Variants in CSGALNACT1 observed in about 807,000 individuals in gnomAD.
CSGALNACT1 encodes beta4GalNAcT-1.
A neutral mutation model predicts 51.0 loss-of-function variants in CSGALNACT1; 52 were observed. That is an observed-to-expected ratio of 1.02 (90% CI 0.82 to 1.29). The LOEUF (loss-of-function observed/expected upper bound fraction) is 1.29. Among genes scored for constraint, CSGALNACT1 ranks in the 50% most tolerant of loss-of-function variants. The probability of loss-of-function intolerance (pLI) is 0.00; values close to 1 mark genes in which losing one functional copy is unlikely to be tolerated. For synonymous variants in CSGALNACT1, 341 were observed against 254.4 expected, an observed-to-expected ratio of 1.34 and a Z score of -3.24; for missense variants, 935 against 679.2, an observed-to-expected ratio of 1.38 and a Z score of -4.19.
intron 4 of CSGALNACT1, among the ~76,000 whole-genome samples, chr8:19,474,822 G>A (rs958012656): frequency 3.2e-5 from 4 of 125,612 alleles, no homozygotes; most frequent in South Asian, 5.3e-4. Flanking sequence ...AGCTGAGATC[G>A]CACCATTGCA....
chr8:19,422,323 G>T (rs1459057640), intron 6 of CSGALNACT1, among the ~76,000 whole-genome samples: 1 of 152,104 alleles, frequency 6.6e-6, no homozygotes, highest in Non-Finnish European at 1.5e-5. Context: ...GTCCCAAGTA[G>T]CTGGGACTAC....
At chr8:19,555,194 G>A (rs147561674) in intron 3 of CSGALNACT1, among the ~76,000 whole-genome samples, 9 of 151,322 alleles carry the variant, frequency 5.9e-5, no homozygotes, top group African/African-American at 1.2e-4. Flanking sequence ...AGCCGAGATC[G>A]CGCCATTGCA....
At chr8:19,640,512 G>C (rs1218568467) in intron 1 of CSGALNACT1, among the ~76,000 whole-genome samples, 1 of 152,052 alleles carries the variant, frequency 6.6e-6, no homozygotes, top group African/African-American at 2.4e-5. Flanking sequence ...CATTTACTTA[G>C]GTAAAATGAT....
At chr8:19,516,926 T>A (rs2079639931) in intron 3 of CSGALNACT1, among the ~76,000 whole-genome samples, 2 of 152,178 alleles carry the variant, frequency 1.3e-5, no homozygotes, top group African/African-American at 4.8e-5. Context: ...CCAGCTGGAA[T>A]CTGCAGCCAC....
intron 1 of CSGALNACT1, among the ~76,000 whole-genome samples, chr8:19,614,255 A>G (rs1188553445): frequency 1.3e-5 from 2 of 152,224 alleles, no homozygotes; most frequent in Non-Finnish European, 2.9e-5. Flanking sequence ...CTTTTACTAA[A>G]AAATCAAAAA....
Position 19,423,820 on chromosome 8 carries a change from G to A in CSGALNACT1, c.954-3302C>T, listed in dbSNP as rs186278017. ...TTTCTACAAGGAAAAGACAATGCAT[G>A]TTATATCCATGGCACTACCCAATCT... On this transcript the variant is annotated intron_variant, in intron 6 of 9. Coordinates refer to ENST00000454498, the Ensembl canonical transcript of CSGALNACT1. Among the ~76,000 whole-genome samples, 32 of 152,326 alleles carry A rather than the reference G, an allele frequency of 2.1e-4. No individual in the cohort carries two copies. In the East Asian group the frequency reaches 5.0e-3, roughly 24 times the overall value.
rs567836057 is a variant in CSGALNACT1, at chr8:19,654,700, C to T, written c.-544+27773G>A. ...GCTGGGACTACAGGCATGCACCACA[C>T]GCCCAGCTAATTTTTTGTATTTTTG... On this transcript the variant is annotated intron_variant, in intron 1 of 9. Coordinates refer to the CSGALNACT1 transcript ENST00000332246. Among the ~76,000 whole-genome samples, 107 of 151,904 alleles carry T rather than the reference C, an allele frequency of 7.0e-4. 1 individual carries two copies. The highest frequency in any genetic ancestry group is 2.3e-3 in the African/African-American group (96 of 41,422).
chr8:19,436,027 C>G (rs1461902373), intron 6 of CSGALNACT1, among the ~76,000 whole-genome samples: 1 of 152,068 alleles, frequency 6.6e-6, no homozygotes, highest in Admixed American at 6.6e-5. Context: ...ATTTCACAAC[C>G]CTCTAATAAA....
upstream of CSGALNACT1, among the ~76,000 whole-genome samples, chr8:19,685,985 C>A (rs1433693056): frequency 6.6e-6 from 1 of 152,150 alleles, no homozygotes; most frequent in Non-Finnish European, 1.5e-5. Context: ...GAAACAATCG[C>A]GTAAGTACAC....
At chr8:19,537,448 T>G (rs932145144) in intron 3 of CSGALNACT1, among the ~76,000 whole-genome samples, 1 of 152,180 alleles carries the variant, frequency 6.6e-6, no homozygotes, top group Non-Finnish European at 1.5e-5. Flanking sequence ...AAATCTCAAT[T>G]GCTTCTTTCT....
At position 19,414,393 on chromosome 8, in the gene CSGALNACT1, C is replaced by T. The variant is rs1416996558; in HGVS notation, c.1227+4263G>A. On this transcript the variant is annotated intron_variant, in intron 8 of 9. Coordinates refer to ENST00000454498, the Ensembl canonical transcript of CSGALNACT1. ...CAAAGCTTGAACCAGGAATGTGAAA[C>T]GTCTAAAGTTAATGTTTGTTTAAAT... Among the ~76,000 whole-genome samples the T allele has an allele frequency of 7.9e-5, 12 of 152,316 alleles. No individual in the cohort carries two copies. In the South Asian group the frequency reaches 1.9e-3, roughly 24 times the overall value.
intron 3 of CSGALNACT1, among the ~76,000 whole-genome samples, chr8:19,534,549 A>G (rs1172323002): frequency 1.3e-5 from 2 of 152,196 alleles, no homozygotes; most frequent in Non-Finnish European, 2.9e-5. Context: ...ATGGTGGTGC[A>G]CAAGTGGGGA....
chr8:19,588,217 GA>G (rs895883533), intron 3 of CSGALNACT1, among the ~76,000 whole-genome samples: 5 of 148,630 alleles, frequency 3.4e-5, no homozygotes, highest in Admixed American at 6.7e-5. Flanking sequence ...GCAAAAAAAA[GA>G]AAAAAAAAGA....
exon 9 of CSGALNACT1, chr8:19,408,637 A>G: frequency 6.2e-7 from 1 of 1,613,980 alleles, no homozygotes; most frequent in South Asian, 1.1e-5. Flanking sequence ...TCTGACCGAT[A>G]CTGACACGTC....
At chr8:19,411,938 C>T (rs541012630) in intron 8 of CSGALNACT1, among the ~76,000 whole-genome samples, 1 of 151,198 alleles carries the variant, frequency 6.6e-6, no homozygotes, top group Non-Finnish European at 1.5e-5. Context: ...TCAAGCAATT[C>T]TCGTGCCTCA....
At position 19,648,361 on chromosome 8, in the gene CSGALNACT1, G is replaced by A. The variant is rs1270129797; in HGVS notation, c.-544+34112C>T. ...GCACTCTCATTCTCTGCTGGAAGGA[G>A]TGTATCATTCTGTGAAGAGCAATTC... is the stretch of plus-strand genomic sequence containing the variant. On this transcript the variant is annotated intron_variant, in intron 1 of 9. Transcript: ENST00000332246. Among the ~76,000 whole-genome samples, 4 of 152,224 alleles carry A rather than the reference G, an allele frequency of 2.6e-5. No individual in the cohort carries two copies. The East Asian group carries it at 7.7e-4, about 29-fold the overall frequency.
Position 19,691,624 on chromosome 8 carries a change from T to C in CSGALNACT1, c.-297+66226A>G, listed in dbSNP as rs11993690. ...GCTTGACTTTCATTCACAGACGGCCTAGGGGACATCGACAGCTGACCCAAG... is the reference window on the plus strand; with the variant it reads ...GCTTGACTTTCATTCACAGACGGCCCAGGGGACATCGACAGCTGACCCAAG... On this transcript the variant is annotated intron_variant, in intron 1 of 1. Transcript: ENST00000517494. Among the ~76,000 whole-genome samples, 527 of 152,264 alleles carry C rather than the reference T, an allele frequency of 3.5e-3. 3 individuals carry two copies. Among genetic ancestry groups the C allele is most frequent in the African/African-American group, 0.012 (514 of 41,550 alleles).
At chr8:19,565,610 C>A (rs764383413) in intron 3 of CSGALNACT1, among the ~76,000 whole-genome samples, 4 of 152,160 alleles carry the variant, frequency 2.6e-5, no homozygotes, top group Non-Finnish European at 5.9e-5. Context: ...AAACAGAGCA[C>A]CTCTATTCTT....
At chr8:19,649,819 CAAA>C (rs57549612) in intron 1 of CSGALNACT1, among the ~76,000 whole-genome samples, 70 of 29,410 alleles carry the variant, frequency 2.4e-3, no homozygotes, top group East Asian at 0.022. Context: ...TTCCAAGTAG[CAAA>C]AAAAAAAAAA....
Sources: allele counts gnomAD v4.1 joint callset (sites outside exome capture counted in the v4.1 genomes callset), GRCh38; gene constraint gnomAD v4.1.1; transcripts MANE v1.5; gene names NCBI Gene and HGNC (gene_info 2026-07-23, HGNC 2026-07-21).